PHYH: variants seen among roughly 807,000 people sequenced by gnomAD.
The protein encoded by PHYH is phytanoyl-CoA dioxygenase, peroxisomal.
In PHYH, 32 loss-of-function variants were observed where a neutral mutation model predicts 38.5. The observed-to-expected ratio is 0.83, with a 90% CI of 0.63 to 1.12. The LOEUF is 1.12. PHYH is among the 50% of genes most tolerant of loss of function. The pLI, the probability that PHYH is intolerant of heterozygous loss-of-function variation, is 0.00. For synonymous variants in PHYH, 166 were observed against 157.9 expected (o/e 1.05, Z -0.38); for missense variants, 426 against 434.8 (o/e 0.98, Z 0.18).
At chr10:13,299,378 CG>C (rs1832680411) in intron 1 of PHYH, 1 of 967,388 alleles carries the variant, frequency 1.0e-6, no homozygotes, top group South Asian at 4.9e-5. Flanking sequence ...CCAGAAGAGC[CG>C]AGACAACAGG....
chr10:13,285,570 T>C (rs1835526911), intron 6 of PHYH, among the ~76,000 whole-genome samples: 1 of 151,806 alleles, frequency 6.6e-6, no homozygotes, highest in Non-Finnish European at 1.5e-5. Context: ...GCTCTTTCCA[T>C]TCGCAGCATC....
intron 2 of PHYH, among the ~76,000 whole-genome samples, chr10:13,297,494 C>T (rs1302271606): frequency 6.6e-6 from 1 of 152,096 alleles, no homozygotes; most frequent in Non-Finnish European, 1.5e-5. Flanking sequence ...GGCTCTATCA[C>T]CCAGGCTGGA....
At chr10:13,296,564 GAAAAAAA>G (rs1219238482) in intron 2 of PHYH, among the ~76,000 whole-genome samples, 1 of 68,272 alleles carries the variant, frequency 1.5e-5, no homozygotes, top group African/African-American at 5.0e-5. Flanking sequence ...CTCCATCTCA[GAAAAAAA>G]AAAAAAAAAA....
chr10:13,279,297 C>T (rs1835361106), intron 8 of PHYH, among the ~76,000 whole-genome samples: 1 of 152,184 alleles, frequency 6.6e-6, no homozygotes, highest in Non-Finnish European at 1.5e-5. Context: ...TGCACCTGGC[C>T]TGATGACTCT....
chr10:13,293,247 A>C (rs554693557), intron 4 of PHYH, among the ~76,000 whole-genome samples: 3 of 152,196 alleles, frequency 2.0e-5, no homozygotes, highest in East Asian at 3.9e-4. Flanking sequence ...TTGTACTGTT[A>C]TTTAGCCAAT....
intron 1 of PHYH, among the ~76,000 whole-genome samples, chr10:13,298,783 A>ACTGCTACTACTACTACTAC (rs1564430887): frequency 3.4e-4 from 38 of 111,564 alleles, no homozygotes; most frequent in African/African-American, 8.9e-4. Context: ...ACTACTACTA[A>ACTGCTACTACTACTACTAC]TAATAATAAT....
rs1835796274 is a variant in PHYH at position 13,294,565 on chromosome 10, C to T, written c.277G>A (p.Val93Met). ...NEFEKICRKE[V>M]KPLGLTVMRD... ...ATTACTGTTAATCCTAATGGTTTCA[C>T]CTCCTTTCTGCAGATTTTTTCAAAC... The change falls in exon 4 of 9, where the codon GTG becomes ATG. Residue 93 changes from valine (V) to methionine (M), a missense_variant. Coordinates refer to ENST00000263038, the MANE Select transcript of PHYH (RefSeq NM_006214.4). 6.2e-7 allele frequency: 1 copy of T among 1,613,914 alleles called. No individual in the cohort carries two copies.
At chr10:13,295,283 C>T (rs566444954) in intron 3 of PHYH, 38 of 537,298 alleles carry the variant, frequency 7.1e-5, no homozygotes, top group East Asian at 2.6e-4. Context: ...AAGCTATGAT[C>T]GCACCACTGC....
intron 3 of PHYH, 125 bp from the exon 4 acceptor site, chr10:13,294,721 G>C: frequency 1.3e-6 from 1 of 751,370 alleles, no homozygotes; most frequent in South Asian, 1.5e-5. Context: ...CCTCCAGCTT[G>C]AGGTAGAATA....
intron 5 of PHYH, 74 bp from the exon 6 acceptor site, chr10:13,288,615 T>A: frequency 6.8e-7 from 1 of 1,463,324 alleles, no homozygotes; most frequent in Non-Finnish European, 9.6e-7. Flanking sequence ...CCCAGCACTT[T>A]GGGATATAAA....
intron 5 of PHYH, 105 bp downstream of exon 5, chr10:13,291,726 C>A (rs2131645698): frequency 1.3e-6 from 1 of 762,622 alleles, no homozygotes; most frequent in Non-Finnish European, 2.3e-6. Flanking sequence ...AGATCTTCCT[C>A]CCTTGGTCTC....
intron 5 of PHYH, among the ~76,000 whole-genome samples, chr10:13,289,207 G>C (rs974602402): frequency 2.0e-5 from 3 of 152,044 alleles, no homozygotes; most frequent in African/African-American, 7.2e-5. Flanking sequence ...TGTTGTTATT[G>C]TTTTTTGAGA....
At position 13,291,061 on chromosome 10, in the gene PHYH, G is replaced by A. The variant is rs571993410; in HGVS notation, c.496+770C>T. ...GGGGGTTGCAGTGAGCCAAGATCGC[G>A]CTATCGCACTCCAGCCTGGGCAACA... On this transcript the variant is annotated intron_variant, in intron 5 of 8. Transcript: ENST00000263038. 6.9e-4 allele frequency among the ~76,000 whole-genome samples: 94 copies of A among 135,604 alleles called. 1 individual carries two copies. Among genetic ancestry groups the A allele is most frequent in the Non-Finnish European group, 9.1e-4 (60 of 66,180 alleles). 89.0% of individuals were successfully genotyped at this position (135,604 alleles called of 152,430 possible). A position where few individuals can be genotyped will look rare whatever the true frequency, so the allele number is the denominator to read the frequency against.
chr10:13,289,334 T>C (rs535069135), intron 5 of PHYH, among the ~76,000 whole-genome samples: 1 of 152,122 alleles, frequency 6.6e-6, no homozygotes, highest in African/African-American at 2.4e-5. Context: ...TAGCTGGGAC[T>C]ACAGGCGCCC....
chr10:13,289,596 A>G (rs1294302024), intron 5 of PHYH, among the ~76,000 whole-genome samples: 2 of 152,150 alleles, frequency 1.3e-5, no homozygotes, highest in Non-Finnish European at 2.9e-5. Flanking sequence ...AGAGAGTGAT[A>G]TGGAGTCAAG....
At position 13,278,208 on chromosome 10, in the gene PHYH, A is replaced by G. The variant is rs1477521316; in HGVS notation, c.*93T>C. On this transcript the variant is annotated 3_prime_UTR_variant, in exon 9 of 9. Transcript: ENST00000263038. ...GTTTTCTGCTTTTAACAAGTGATAGAAAAGGTTACATCATCTCATTAAGAA... is the reference window on the plus strand; with the variant it reads ...GTTTTCTGCTTTTAACAAGTGATAGGAAAGGTTACATCATCTCATTAAGAA... 12 of 851,228 alleles carry G rather than the reference A, an allele frequency of 1.4e-5. No individual in the cohort carries two copies. In the Admixed American group the frequency reaches 1.8e-4, roughly 13 times the overall value. The allele number at this position is 851,228 out of a possible 1,614,324, so 52.7% of individuals were successfully genotyped here.
Position 13,278,260 on chromosome 10 carries a change from GT to G in PHYH, c.*40del. 1.5e-6 allele frequency: 2 copies of G among 1,362,958 alleles called. No homozygotes were observed. Among genetic ancestry groups the G allele is most frequent in the Non-Finnish European group, 2.1e-6 (2 of 950,890 alleles). The allele number at this position is 1,362,958 out of a possible 1,614,324, so 84.4% of individuals were successfully genotyped here. ...ACATTTTCCTTAGACATTTCGTTTG[GT>G]TTTGGTTTTCTGTTGAAAGAGTTAT... On this transcript the variant is annotated 3_prime_UTR_variant, in exon 9 of 9. Coordinates refer to ENST00000263038, the MANE Select transcript of PHYH (RefSeq NM_006214.4).
rs1238624300 is a variant in PHYH, at chr10:13,300,060, C to T, written c.-18G>A. On this transcript the variant is annotated 5_prime_UTR_variant, in exon 1 of 9. Transcript: ENST00000263038. Reference sequence around the variant, plus strand: ...TGCTCCATGGCTGCGGCGCGGGGAACCCCCACCCCTCCCGGCCTCTGCCCC... The same window carrying T: ...TGCTCCATGGCTGCGGCGCGGGGAATCCCCACCCCTCCCGGCCTCTGCCCC... 3 of 1,529,366 alleles carry T rather than the reference C, an allele frequency of 2.0e-6. No homozygotes were observed. The highest frequency in any genetic ancestry group is 2.8e-5 in the African/African-American group (2 of 71,810). The allele number at this position is 1,529,366 out of a possible 1,614,324, so 94.7% of individuals were successfully genotyped here.
In PHYH at chr10:13,299,805, C is replaced by G; in HGVS notation, c.75+163G>C. On this transcript the variant is annotated intron_variant, in intron 1 of 8. Transcript: ENST00000263038. The stretch of plus-strand genomic sequence containing the variant: ...ACGCAGCCTCTTCCCCGCTCCCCGG[C>G]TCCTGGAAGAGACGCGACCCAGGCG... 3.8e-6 allele frequency: 5 copies of G among 1,317,434 alleles called. No homozygotes were observed. The South Asian group carries it at 6.2e-5, about 16-fold the overall frequency. 81.6% of individuals were successfully genotyped at this position (1,317,434 alleles called of 1,614,324 possible).
Sources: gnomAD v4.1 joint callset for allele counts (sites outside exome capture counted in the v4.1 genomes callset) on GRCh38, gnomAD v4.1.1 for gene constraint, MANE v1.5 for transcripts, NCBI Gene and HGNC (gene_info 2026-07-23, HGNC 2026-07-21) for gene names.